The following PTPRD variants were observed in gnomAD, a reference collection of about 807,000 sequenced individuals.
PTPRD encodes the protein protein tyrosine phosphatase receptor type D.
In PTPRD, 34 loss-of-function variants were observed where a neutral mutation model predicts 214.5. That is an observed-to-expected ratio of 0.16 (90% confidence interval 0.12 to 0.21). The LOEUF (loss-of-function observed/expected upper bound fraction) is 0.21, where lower values mean the gene tolerates loss of function less well. PTPRD is among the 10% of genes least tolerant of loss of function. PTPRD has a pLI of 1.00. For synonymous variants in PTPRD, 1,128 were observed against 845.7 expected (o/e 1.33, Z -5.79); for missense variants, 2,545 against 2,398.7 (o/e 1.06, Z -1.27).
chr9:8,580,839 G>A (rs2154251069), intron 14 of PTPRD, among the ~76,000 whole-genome samples: 1 of 152,282 alleles, frequency 6.6e-6, no homozygotes, highest in Admixed American at 6.5e-5. Flanking sequence ...TTTTCGCAAT[G>A]ATAGAAATAC....
chr9:8,383,306 TAGG>T (rs1456663992), intron 37 of PTPRD, among the ~76,000 whole-genome samples: 5 of 152,090 alleles, frequency 3.3e-5, no homozygotes, highest in Non-Finnish European at 7.4e-5. Context: ...GGGGAAGACA[TAGG>T]AGGAGGAGTG....
chr9:9,529,027 C>G (rs1403653594), intron 8 of PTPRD, among the ~76,000 whole-genome samples: 2 of 150,836 alleles, frequency 1.3e-5, no homozygotes, highest in African/African-American at 4.9e-5. Flanking sequence ...CAACCTCTGC[C>G]TCCTGGGTTC....
chr9:9,495,333 C>G (rs1263835463), intron 8 of PTPRD, among the ~76,000 whole-genome samples: 1 of 147,488 alleles, frequency 6.8e-6, no homozygotes, highest in Admixed American at 6.8e-5. Flanking sequence ...AAAGCAACAA[C>G]AACAACAACA....
At chr9:10,450,810 C>T (rs74433804) in intron 2 of PTPRD, among the ~76,000 whole-genome samples, 3,350 of 151,964 alleles carry the variant, frequency 0.022, 182 homozygotes, top group African/African-American at 0.076. Flanking sequence ...TCTACCATCA[C>T]GTCTTAAAAA....
intron 2 of PTPRD, among the ~76,000 whole-genome samples, chr9:10,382,107 A>C (rs2097838543): frequency 6.6e-6 from 1 of 151,858 alleles, no homozygotes; most frequent in Non-Finnish European, 1.5e-5. Flanking sequence ...CAAAACTGGT[A>C]CTTATTTGGT....
At chr9:10,121,035 T>TTG (rs2098770809) in intron 3 of PTPRD, among the ~76,000 whole-genome samples, 2 of 152,172 alleles carry the variant, frequency 1.3e-5, no homozygotes, top group African/African-American at 4.8e-5. Context: ...GTTGTAGAAT[T>TTG]GTATTATGGT....
rs577200982 is a variant in PTPRD, at chr9:8,354,119, A to T, written c.4662-12141T>A. Among the ~76,000 whole-genome samples the T allele has an allele frequency of 5.7e-4, 87 of 151,546 alleles. 1 individual carries two copies. The highest frequency in any genetic ancestry group is 3.4e-3 in the Middle Eastern group (1 of 294). On this transcript the variant is annotated intron_variant, in intron 39 of 45. Transcript: ENST00000381196. ...TACATAATAAATTGAAATTTTTAAT[A>T]CCTTATTTATATTTATCCAAAACTT...
chr9:8,630,999 A>G (rs2096235294), intron 14 of PTPRD, among the ~76,000 whole-genome samples: 1 of 151,932 alleles, frequency 6.6e-6, no homozygotes, highest in African/African-American at 2.4e-5. Context: ...TATACCTTCT[A>G]TATGATGGCA....
At chr9:10,208,390 T>G (rs927587177) in intron 3 of PTPRD, among the ~76,000 whole-genome samples, 2 of 152,080 alleles carry the variant, frequency 1.3e-5, no homozygotes, top group Admixed American at 1.3e-4. Context: ...GGCGGGCGCC[T>G]GTAGTCCCAG....
chr9:9,547,328 T>G (rs751078647), intron 8 of PTPRD, among the ~76,000 whole-genome samples: 3 of 152,124 alleles, frequency 2.0e-5, no homozygotes, highest in Admixed American at 6.6e-5. Flanking sequence ...TGAAATGCTC[T>G]ACTTCCAAAT....
chr9:8,758,875 CG>C (rs1406145391), intron 11 of PTPRD, among the ~76,000 whole-genome samples: 3 of 151,178 alleles, frequency 2.0e-5, no homozygotes, highest in African/African-American at 7.3e-5. Context: ...TTAATAGAGA[CG>C]GGGTTTCACC....
rs1182808838 is a variant in PTPRD at position 9,947,455 on chromosome 9, T to TA, written c.-471-8846_-471-8845insT. ...TATATATTATATATTTTATATATTT[T>TA]TATATATACTATATATTATATATAT... On this transcript the variant is annotated intron_variant, in intron 4 of 45. Coordinates refer to ENST00000381196, the MANE Select transcript of PTPRD (RefSeq NM_002839.4). 1.7e-4 allele frequency among the ~76,000 whole-genome samples: 5 copies of TA among 28,854 alleles called. 1 individual carries two copies. The East Asian group carries it at 0.025, about 142-fold the overall frequency. The allele number at this position is 28,854 out of a possible 152,430, so 18.9% of individuals were successfully genotyped here. A position where few individuals can be genotyped will look rare whatever the true frequency, so the allele number is the denominator to read the frequency against.
chr9:9,420,110 T>TAAAA (rs149928681), intron 8 of PTPRD, among the ~76,000 whole-genome samples: 1 of 34,866 alleles, frequency 2.9e-5, no homozygotes, highest in Admixed American at 2.6e-4. Flanking sequence ...CCAGACACTA[T>TAAAA]AATATTTATA....
At chr9:8,851,110 C>A (rs887648141) in intron 11 of PTPRD, among the ~76,000 whole-genome samples, 3 of 151,950 alleles carry the variant, frequency 2.0e-5, no homozygotes, top group Admixed American at 2.0e-4. Flanking sequence ...CACCCACCAT[C>A]CATCATTGCT....
At chr9:9,363,616 T>C (rs1855217) in intron 9 of PTPRD, among the ~76,000 whole-genome samples, 69,670 of 150,768 alleles carry the variant, frequency 0.46, 16,368 homozygotes, top group African/African-American at 0.54. Context: ...AGCTCATAGA[T>C]GCAGGGTTTT....
chr9:8,548,978 A>G (rs1348178243), intron 14 of PTPRD, among the ~76,000 whole-genome samples: 1 of 152,046 alleles, frequency 6.6e-6, no homozygotes, highest in East Asian at 1.9e-4. Flanking sequence ...GATGTGAGCC[A>G]CCGTGCCCGG....
At chr9:10,076,365 C>T (rs1310890191) in intron 3 of PTPRD, among the ~76,000 whole-genome samples, 1 of 152,074 alleles carries the variant, frequency 6.6e-6, no homozygotes, top group East Asian at 1.9e-4. Context: ...AAGATTTTCT[C>T]AGATTTACCT....
intron 2 of PTPRD, among the ~76,000 whole-genome samples, chr9:10,533,900 T>C (rs2057108394): frequency 1.3e-5 from 2 of 151,776 alleles, no homozygotes. Flanking sequence ...TTCACCTTTT[T>C]TTATTAGGAA....
chr9:9,422,777 T>G (rs1239007512), intron 8 of PTPRD, among the ~76,000 whole-genome samples: 2 of 152,064 alleles, frequency 1.3e-5, no homozygotes, highest in Non-Finnish European at 2.9e-5. Context: ...AACCCAGGAG[T>G]TAGCCCAGCT....
Sources: gnomAD v4.1 joint callset for allele counts (sites outside exome capture counted in the v4.1 genomes callset) on GRCh38, gnomAD v4.1.1 for gene constraint, MANE v1.5 for transcripts, NCBI Gene and HGNC (gene_info 2026-07-23, HGNC 2026-07-21) for gene names.